Variants in WASF2 observed in about 807,000 individuals in gnomAD.
The protein encoded by WASF2 is WASP family member 2, also known as actin-binding protein WASF2.
A neutral mutation model predicts 45.0 loss-of-function variants in WASF2; 14 were observed. That is an observed-to-expected ratio of 0.31 (90% CI 0.21 to 0.49). WASF2 has a LOEUF of 0.49. Ranked by LOEUF, WASF2 falls within the 20% of genes least tolerant of loss-of-function variation. The pLI, the probability that WASF2 is intolerant of heterozygous loss-of-function variation, is 0.99. For missense variants in WASF2, 439 were observed against 636.1 expected (o/e 0.69, Z 3.33); for synonymous variants, 200 against 236.3 (o/e 0.85, Z 1.41).
chr1:27,454,078 T>A (rs920875643), intron 1 of WASF2, among the ~76,000 whole-genome samples: 13 of 148,814 alleles, frequency 8.7e-5, no homozygotes, highest in Non-Finnish European at 1.6e-4. Flanking sequence ...TTCTAGAACT[T>A]CATATGACTC....
chr1:27,412,322 TCA>T (rs2148099160), intron 7 of WASF2, among the ~76,000 whole-genome samples: 1 of 152,246 alleles, frequency 6.6e-6, no homozygotes, highest in Admixed American at 6.5e-5. Flanking sequence ...TCCTCCCACC[TCA>T]GTCTCCTGAG....
intron 1 of WASF2, among the ~76,000 whole-genome samples, chr1:27,468,576 G>C (rs1045908359): frequency 6.6e-6 from 1 of 151,936 alleles, no homozygotes; most frequent in East Asian, 1.9e-4. Context: ...GGGGGACAGA[G>C]GTTACAATGA....
intron 4 of WASF2, among the ~76,000 whole-genome samples, chr1:27,417,144 C>A (rs1223058059): frequency 2.0e-5 from 3 of 152,274 alleles, no homozygotes; most frequent in African/African-American, 7.2e-5. Flanking sequence ...AAGAAAAATA[C>A]CATTAACTGA....
At chr1:27,480,566 C>T (rs1426424077) in intron 1 of WASF2, among the ~76,000 whole-genome samples, 1 of 151,256 alleles carries the variant, frequency 6.6e-6, no homozygotes, top group Non-Finnish European at 1.5e-5. Flanking sequence ...TAGAAATAAA[C>T]TGAGTACTTG....
At chr1:27,456,560 C>A (rs1352245305) in intron 1 of WASF2, among the ~76,000 whole-genome samples, 2 of 151,962 alleles carry the variant, frequency 1.3e-5, no homozygotes, top group African/African-American at 4.8e-5. Flanking sequence ...AAATTTAGAA[C>A]TGATTTTAAA....
chr1:27,422,973 T>C (rs916635040), intron 2 of WASF2, among the ~76,000 whole-genome samples: 7 of 151,998 alleles, frequency 4.6e-5, no homozygotes, highest in Admixed American at 1.3e-4. Flanking sequence ...ACCCTGTCTC[T>C]ACTAAAAATA....
At chr1:27,413,214 A>C (rs2016788007) in intron 6 of WASF2, among the ~76,000 whole-genome samples, 1 of 152,192 alleles carries the variant, frequency 6.6e-6, no homozygotes, top group South Asian at 2.1e-4. Context: ...AATCAAGCTG[A>C]GGATGAATGC....
At position 27,479,243 on chromosome 1, in the gene WASF2, G is replaced by A. The variant is rs535823018; in HGVS notation, c.-44+10743C>T. ...GGAGGTTGCAGTGAGCCAAGACTGC[G>A]CCACTGCACTCCAGTGTGGGCGACA... On this transcript the variant is annotated intron_variant, in intron 1 of 8. Transcript: ENST00000618852. Among the ~76,000 whole-genome samples, 57 of 151,170 alleles carry A rather than the reference G, an allele frequency of 3.8e-4. 1 individual carries two copies. Among genetic ancestry groups the A allele is most frequent in the Admixed American group, 7.3e-4 (11 of 15,130 alleles).
intron 4 of WASF2, among the ~76,000 whole-genome samples, chr1:27,416,732 A>G (rs1256520740): frequency 1.3e-5 from 2 of 152,240 alleles, no homozygotes; most frequent in Non-Finnish European, 2.9e-5. Context: ...AAAGATGGCC[A>G]GCTGTTGTAA....
At chr1:27,452,291 G>T (rs1430060037) in intron 1 of WASF2, among the ~76,000 whole-genome samples, 1 of 152,198 alleles carries the variant, frequency 6.6e-6, no homozygotes, top group Non-Finnish European at 1.5e-5. Context: ...AAGGCGGGTG[G>T]ATCACGAGGT....
intron 1 of WASF2, 106 bp downstream of exon 1, chr1:27,489,880 G>A (rs1324119667): frequency 6.6e-6 from 1 of 152,148 alleles, no homozygotes; most frequent in Non-Finnish European, 1.5e-5. Context: ...TCCGCAGTAG[G>A]AGTCCCGGCA....
intron 7 of WASF2, among the ~76,000 whole-genome samples, chr1:27,412,307 A>G (rs2016771849): frequency 6.6e-6 from 1 of 152,174 alleles, no homozygotes; most frequent in Non-Finnish European, 1.5e-5. Context: ...CCCAGGCTCA[A>G]GCGATCCTCC....
At chr1:27,473,336 C>T (rs1200505718) in intron 1 of WASF2, among the ~76,000 whole-genome samples, 4 of 150,584 alleles carry the variant, frequency 2.7e-5, no homozygotes, top group South Asian at 2.1e-4. Flanking sequence ...AAAAATTAGC[C>T]GGGCGTGGTG....
intron 1 of WASF2, among the ~76,000 whole-genome samples, chr1:27,479,740 C>T (rs945698335): frequency 3.3e-5 from 5 of 152,248 alleles, no homozygotes; most frequent in African/African-American, 1.2e-4. Flanking sequence ...TGGCACATGC[C>T]TATAATCCTA....
At chr1:27,436,004 A>G (rs2017132044) in intron 1 of WASF2, among the ~76,000 whole-genome samples, 2 of 152,250 alleles carry the variant, frequency 1.3e-5, no homozygotes, top group South Asian at 4.1e-4. Context: ...GGGATGGAAC[A>G]TGTGGGGATG....
chr1:27,463,620 C>G (rs1318716646), intron 1 of WASF2, among the ~76,000 whole-genome samples: 1 of 103,038 alleles, frequency 9.7e-6, no homozygotes, highest in African/African-American at 4.2e-5. Context: ...GAGACTCTGT[C>G]TCAAAAAAAA....
intron 1 of WASF2, among the ~76,000 whole-genome samples, chr1:27,432,450 C>T (rs77688289): frequency 6.6e-6 from 1 of 151,534 alleles, no homozygotes; most frequent in African/African-American, 2.4e-5. Flanking sequence ...AGATCGAGAC[C>T]ATCCTGGCTA....
At chr1:27,428,119 C>T (rs1228363398) in intron 2 of WASF2, among the ~76,000 whole-genome samples, 2 of 152,186 alleles carry the variant, frequency 1.3e-5, no homozygotes, top group African/African-American at 4.8e-5. Flanking sequence ...ATGGCTCCAG[C>T]TACTATTTGT....
chr1:27,469,692 A>G (rs1337747917), intron 1 of WASF2, among the ~76,000 whole-genome samples: 4 of 152,214 alleles, frequency 2.6e-5, no homozygotes, highest in African/African-American at 9.6e-5. Context: ...CTGTAATCCC[A>G]GCACTTCGGG....
Sources: gnomAD v4.1 joint callset for allele counts (sites outside exome capture counted in the v4.1 genomes callset) on GRCh38, gnomAD v4.1.1 for gene constraint, MANE v1.5 for transcripts, NCBI Gene and HGNC (gene_info 2026-07-23, HGNC 2026-07-21) for gene names.